Variants in MALRD1 observed in about 807,000 individuals in gnomAD.
MALRD1 encodes the protein MAM and LDL receptor class A domain containing 1, also known as MAM and LDL-receptor class A domain-containing protein 1.
In MALRD1, 247 loss-of-function variants were observed where a neutral mutation model predicts 242.1. The ratio of observed to expected loss-of-function variants is 1.02; its 90% CI spans 0.92 to 1.13. The LOEUF (loss-of-function observed/expected upper bound fraction) is 1.13. Ranked by LOEUF, MALRD1 falls within the 50% of genes most tolerant of loss-of-function variation. The pLI is 0.00. For synonymous variants in MALRD1, 995 were observed against 866.6 expected, an observed-to-expected ratio of 1.15 and a Z score of -2.60; for missense variants, 2,989 against 2,533.1, an observed-to-expected ratio of 1.18 and a Z score of -3.86.
chr10:19,491,670 G>A, intron 30 of MALRD1, 25 bp downstream of exon 30: 1 of 1,542,568 alleles, frequency 6.5e-7, no homozygotes, highest in East Asian at 2.5e-5. Context: ...CTGCTGTATG[G>A]CAGCCAGTTC....
chr10:19,339,593 T>C (rs1265607140), intron 24 of MALRD1, among the ~76,000 whole-genome samples: 2 of 152,210 alleles, frequency 1.3e-5, no homozygotes, highest in Admixed American at 1.3e-4. Flanking sequence ...AGGTAATTTT[T>C]ATGTCAGCAC....
At chr10:19,643,209 A>C (rs1276101561) in intron 36 of MALRD1, among the ~76,000 whole-genome samples, 1 of 152,076 alleles carries the variant, frequency 6.6e-6, no homozygotes, top group Non-Finnish European at 1.5e-5. Flanking sequence ...AAGTGGGTGG[A>C]TCACCTCAGG....
At chr10:19,328,540 A>C (rs1416810257) in intron 23 of MALRD1, among the ~76,000 whole-genome samples, 1 of 152,154 alleles carries the variant, frequency 6.6e-6, no homozygotes, top group African/African-American at 2.4e-5. Flanking sequence ...TGGGGTAGCC[A>C]AGTTGGCTGT....
At chr10:19,249,409 C>A (rs1839207588) in intron 18 of MALRD1, among the ~76,000 whole-genome samples, 1 of 151,368 alleles carries the variant, frequency 6.6e-6, no homozygotes. Context: ...ATCTTTGGCA[C>A]ATGTTTTTTT....
At chr10:19,578,055 G>C (rs10827611) in intron 33 of MALRD1, among the ~76,000 whole-genome samples, 2 of 151,956 alleles carry the variant, frequency 1.3e-5, no homozygotes, top group African/African-American at 2.4e-5. Context: ...GCTGGAAAGC[G>C]TCCAGACTTT....
At chr10:19,315,204 TATA>T (rs1294964328) in intron 21 of MALRD1, among the ~76,000 whole-genome samples, 2 of 121,640 alleles carry the variant, frequency 1.6e-5, no homozygotes, top group Non-Finnish European at 3.2e-5. Flanking sequence ...TTTATAGAAA[TATA>T]ATTTATATAA....
At chr10:19,181,088 A>G (rs879416978) in intron 14 of MALRD1, among the ~76,000 whole-genome samples, 21 of 152,204 alleles carry the variant, frequency 1.4e-4, no homozygotes, top group Admixed American at 3.9e-4. Context: ...GAGTGTGGAG[A>G]AAAGAGTACT....
chr10:19,303,993 A>G (rs1167592657), intron 21 of MALRD1, among the ~76,000 whole-genome samples: 3 of 151,732 alleles, frequency 2.0e-5, no homozygotes. Flanking sequence ...TTAAGTTTCA[A>G]CTTGACTGGG....
chr10:19,271,043 A>G (rs1840210986), intron 19 of MALRD1, among the ~76,000 whole-genome samples: 1 of 152,184 alleles, frequency 6.6e-6, no homozygotes, highest in South Asian at 2.1e-4. Context: ...ACTGCTGGGA[A>G]GTATAGAATT....
At chr10:19,530,729 T>C (rs1035736710) in intron 31 of MALRD1, among the ~76,000 whole-genome samples, 7 of 152,112 alleles carry the variant, frequency 4.6e-5, no homozygotes, top group Middle Eastern at 3.4e-3. Flanking sequence ...AAAGCTATTG[T>C]AATGACTCTT....
At chr10:19,057,701 T>A (rs1834708892) in intron 1 of MALRD1, among the ~76,000 whole-genome samples, 1 of 152,176 alleles carries the variant, frequency 6.6e-6, no homozygotes. Flanking sequence ...AATAGGTCCA[T>A]TTTCATGGAA....
chr10:19,113,861 A>T (rs1836779221), intron 5 of MALRD1, among the ~76,000 whole-genome samples: 1 of 151,420 alleles, frequency 6.6e-6, no homozygotes. Flanking sequence ...ATGTGTATTG[A>T]TTTATCTCCA....
At chr10:19,313,087 A>C (rs911208967) in intron 21 of MALRD1, among the ~76,000 whole-genome samples, 3 of 151,444 alleles carry the variant, frequency 2.0e-5, no homozygotes, top group Admixed American at 1.3e-4. Context: ...GGTGATGCTG[A>C]TGTTGCCAAA....
rs1268922647 is a variant in MALRD1, at chr10:19,540,714, GT to G, written c.5478+9365del. Among the ~76,000 whole-genome samples the G allele has an allele frequency of 2.6e-5, 4 of 152,226 alleles. No individual in the cohort carries two copies. The East Asian group carries it at 7.7e-4, about 29-fold the overall frequency. ...GTTGCAGAAATTTCTCCAGGCATAT[GT>G]TGAGTGAAAAGAGAAGTGGAAAAAA... On this transcript the variant is annotated intron_variant, in intron 32 of 39. Transcript: ENST00000454679.
intron 21 of MALRD1, among the ~76,000 whole-genome samples, chr10:19,284,223 A>C (rs1389555139): frequency 6.6e-6 from 1 of 151,568 alleles, no homozygotes; most frequent in Non-Finnish European, 1.5e-5. Context: ...CTAGTGTTGT[A>C]AGCATGTTTG....
At chr10:19,431,208 C>T (rs755013913) in intron 28 of MALRD1, among the ~76,000 whole-genome samples, 2 of 152,144 alleles carry the variant, frequency 1.3e-5, no homozygotes, top group Admixed American at 6.6e-5. Context: ...AATTCCCATC[C>T]TGCATGAATT....
intron 12 of MALRD1, among the ~76,000 whole-genome samples, chr10:19,162,827 G>A (rs1355978671): frequency 6.6e-6 from 1 of 151,926 alleles, no homozygotes; most frequent in Non-Finnish European, 1.5e-5. Flanking sequence ...TATACCCACA[G>A]TACTAGAAAT....
chr10:19,067,256 G>A (rs1835009384), intron 2 of MALRD1, among the ~76,000 whole-genome samples: 1 of 152,050 alleles, frequency 6.6e-6, no homozygotes, highest in African/African-American at 2.4e-5. Flanking sequence ...AGCTCTGTCT[G>A]GTACCACTTG....
intron 10 of MALRD1, among the ~76,000 whole-genome samples, chr10:19,145,624 A>G (rs901818488): frequency 2.0e-5 from 3 of 150,758 alleles, no homozygotes; most frequent in Non-Finnish European, 4.4e-5. Flanking sequence ...ACTGCACTCC[A>G]GCCTGGGTGA....
Sources: allele counts gnomAD v4.1 joint callset (sites outside exome capture counted in the v4.1 genomes callset), GRCh38; gene constraint gnomAD v4.1.1; transcripts MANE v1.5; gene names NCBI Gene and HGNC (gene_info 2026-07-23, HGNC 2026-07-21).